The following KLHL5 variants were observed in gnomAD, a reference collection of about 807,000 sequenced individuals.
KLHL5 encodes kelch-like protein 5.
Under a neutral mutation model 77.7 loss-of-function variants are expected in KLHL5, and 48 were observed. That is an observed-to-expected ratio of 0.62 (90% CI 0.49 to 0.79). KLHL5 has a LOEUF of 0.79. KLHL5 is among the 30% of genes least tolerant of loss of function. The pLI, the probability that KLHL5 is intolerant of heterozygous loss-of-function variation, is 0.00. For missense variants in KLHL5, 723 were observed against 859.7 expected (o/e 0.84, Z 1.99); for synonymous variants, 260 against 297.0 (o/e 0.88, Z 1.28).
intron 6 of KLHL5, among the ~76,000 whole-genome samples, chr4:39,099,433 C>T (rs1356515091): frequency 6.6e-6 from 1 of 152,142 alleles, no homozygotes; most frequent in African/African-American, 2.4e-5. Flanking sequence ...TACTAGCAGG[C>T]TTCAATCTCC....
At chr4:39,095,162 G>T (rs1298451060) in intron 5 of KLHL5, among the ~76,000 whole-genome samples, 1 of 152,072 alleles carries the variant, frequency 6.6e-6, no homozygotes, top group Non-Finnish European at 1.5e-5. Flanking sequence ...TAGAAAAGAG[G>T]CAGATAAAGG....
intron 7 of KLHL5, 81 bp downstream of exon 7, chr4:39,103,592 C>T (rs912081099): frequency 2.3e-5 from 25 of 1,107,650 alleles, no homozygotes; most frequent in African/African-American, 3.1e-5. Context: ...GCAGAGGACC[C>T]GTGTGGCAGC....
rs752592970 is a variant in KLHL5 at position 39,081,282 on chromosome 4, G to T, written c.703+43G>T. 6.6e-7 allele frequency: 1 copy of T among 1,508,604 alleles called. No individual in the cohort carries two copies. The highest frequency in any genetic ancestry group is 2.1e-5 in the Admixed American group (1 of 47,892). 93.5% of individuals were successfully genotyped at this position (1,508,604 alleles called of 1,614,324 possible). ...GTAAATTAAAACCTCTTAGATTTATGTTGTATTATTAGATTTCAGATTTCT... is the reference window on the plus strand; with the variant it reads ...GTAAATTAAAACCTCTTAGATTTATTTTGTATTATTAGATTTCAGATTTCT... On this transcript the variant is annotated intron_variant, in intron 3 of 10. Coordinates refer to ENST00000504108, the MANE Select transcript of KLHL5 (RefSeq NM_015990.5). This position sits in a 1 kb window ranked among gnomAD's most constrained non-coding sequence, Gnocchi z 4.3.
chr4:39,130,581 C>T (rs1030643048), downstream of KLHL5, among the ~76,000 whole-genome samples: 1 of 152,098 alleles, frequency 6.6e-6, no homozygotes, highest in Admixed American at 6.6e-5. Context: ...ACATAGATGC[C>T]TGCACTTCAC....
In KLHL5 at chr4:39,101,126, T is replaced by TTATATA. The variant is rs60405643; in HGVS notation, c.1301-2145_1301-2140dup. ...TTTGTTAATTTTGGATATTTGGATT[T>TTATATA]TATATATATATATATATATATCTAC... is the stretch of plus-strand genomic sequence containing the variant. On this transcript the variant is annotated intron_variant, in intron 6 of 10. Transcript: ENST00000504108. Among the ~76,000 whole-genome samples the TTATATA allele has an allele frequency of 1.4e-4, 19 of 134,848 alleles. 1 individual carries two copies. The highest frequency in any genetic ancestry group is 5.0e-4 in the African/African-American group (18 of 35,916). 88.5% of individuals were successfully genotyped at this position (134,848 alleles called of 152,430 possible). A position where few individuals can be genotyped will look rare whatever the true frequency, so the allele number is the denominator to read the frequency against.
chr4:39,073,537 T>C (rs1381195850), intron 1 of KLHL5, among the ~76,000 whole-genome samples: 1 of 66,110 alleles, frequency 1.5e-5, no homozygotes, highest in East Asian at 5.8e-4. Context: ...TTAGATATTA[T>C]AATTTTTCCC....
intron 6 of KLHL5, among the ~76,000 whole-genome samples, chr4:39,100,122 A>G (rs1721414659): frequency 6.6e-6 from 1 of 152,182 alleles, no homozygotes; most frequent in South Asian, 2.1e-4. Context: ...GTACATGGAA[A>G]GGGAAGGAAA....
rs141261745 is a variant in KLHL5 at position 39,098,364 on chromosome 4, A to G, written c.1300+1486A>G. On this transcript the variant is annotated intron_variant, in intron 6 of 10. Transcript: ENST00000504108. The stretch of plus-strand genomic sequence containing the variant: ...TGCAACCTCTGCCTCCCAGGTTCAA[A>G]CAATTCTCCTGCCTCAGCCTCCTGA... 1.0e-2 allele frequency among the ~76,000 whole-genome samples: 1,506 copies of G among 151,344 alleles called. 22 individuals are homozygous for G. The highest frequency in any genetic ancestry group is 0.034 in the African/African-American group (1,414 of 41,292).
chr4:39,083,506 A>T (rs906515986), intron 4 of KLHL5, among the ~76,000 whole-genome samples: 6 of 152,308 alleles, frequency 3.9e-5, no homozygotes, highest in African/African-American at 1.4e-4. Context: ...TGAAAAAATA[A>T]AGAGATTGTA....
chr4:39,105,525 T>TA (rs1410049785), intron 7 of KLHL5, among the ~76,000 whole-genome samples: 1 of 151,822 alleles, frequency 6.6e-6, no homozygotes, highest in Non-Finnish European at 1.5e-5. Flanking sequence ...TTTGACATAT[T>TA]ATGCATTACA....
intron 6 of KLHL5, among the ~76,000 whole-genome samples, chr4:39,097,995 A>G (rs894878991): frequency 4.0e-5 from 6 of 151,614 alleles, no homozygotes; most frequent in African/African-American, 1.2e-4. Context: ...TAGCCCAACA[A>G]TGGTGGTGCA....
intron 10 of KLHL5, among the ~76,000 whole-genome samples, chr4:39,117,858 T>A (rs1722949221): frequency 6.6e-6 from 1 of 152,132 alleles, no homozygotes; most frequent in African/African-American, 2.4e-5. Flanking sequence ...GCGGATCTTT[T>A]GGGGCCAGGA....
chr4:39,048,731 C>T (rs1716402559), intron 1 of KLHL5, among the ~76,000 whole-genome samples: 1 of 133,290 alleles, frequency 7.5e-6, no homozygotes, highest in Non-Finnish European at 1.5e-5. Flanking sequence ...GCAACTTCTG[C>T]CTTCCAGTTT....
intron 1 of KLHL5, among the ~76,000 whole-genome samples, chr4:39,069,043 C>T (rs1718160720): frequency 6.6e-6 from 1 of 152,160 alleles, no homozygotes; most frequent in South Asian, 2.1e-4. Flanking sequence ...CATTCAGAGA[C>T]CCAGGTTCCT....
the KLHL5 span, among the ~76,000 whole-genome samples, chr4:39,137,237 T>C: frequency 4.6e-5 from 7 of 151,908 alleles, no homozygotes; most frequent in African/African-American, 1.7e-4. Context: ...AGATATTCCT[T>C]AGGTAGACAG....
At chr4:39,078,900 A>G (rs1416042393) in intron 2 of KLHL5, among the ~76,000 whole-genome samples, 5 of 115,210 alleles carry the variant, frequency 4.3e-5, no homozygotes, top group Admixed American at 9.9e-5. Flanking sequence ...CTACTGAAAT[A>G]AAAAATAAAA....
At chr4:39,090,103 G>A (rs2109426171) in intron 5 of KLHL5, among the ~76,000 whole-genome samples, 1 of 152,250 alleles carries the variant, frequency 6.6e-6, no homozygotes, top group Admixed American at 6.5e-5. Context: ...TGAAGAAAAT[G>A]TTGGATTGTA....
chr4:39,054,060 C>T (rs1360748800), intron 1 of KLHL5, among the ~76,000 whole-genome samples: 5 of 152,206 alleles, frequency 3.3e-5, no homozygotes, highest in Non-Finnish European at 7.4e-5. Flanking sequence ...TCCCCCTCCC[C>T]GCTGCCTTTT....
In KLHL5 at chr4:39,062,632, G is replaced by T; in HGVS notation, c.-21G>T. On this transcript the variant is annotated 5_prime_UTR_variant, in exon 1 of 11. Transcript: ENST00000504108. The stretch of plus-strand genomic sequence containing the variant: ...AGTGCTTTTTGCCCGTTGCCTAGAC[G>T]ATCACTTGGTTTCTCTGAGGATGTC... 1 of 1,614,096 alleles carries T rather than the reference G, an allele frequency of 6.2e-7. No homozygotes were observed. Among genetic ancestry groups the T allele is most frequent in the East Asian group, 2.2e-5 (1 of 44,892 alleles).
Sources: gnomAD v4.1 joint callset for allele counts (sites outside exome capture counted in the v4.1 genomes callset) on GRCh38, gnomAD v4.1.1 for gene constraint, Gnocchi (gnomAD v3.1) non-coding constraint, MANE v1.5 for transcripts, NCBI Gene and HGNC (gene_info 2026-07-23, HGNC 2026-07-21) for gene names.